Variants in SURF4 observed in about 807,000 individuals in gnomAD.
The protein encoded by SURF4 is surfeit 4.
Under a neutral mutation model 30.0 loss-of-function variants are expected in SURF4, and 3 were observed. That is an observed-to-expected ratio of 0.10 (90% confidence interval 0.05 to 0.26). The LOEUF (loss-of-function observed/expected upper bound fraction) is 0.26. Among genes scored for constraint, SURF4 ranks in the 10% least tolerant of loss-of-function variants. The probability of loss-of-function intolerance (pLI) is 1.00; values close to 1 mark genes in which losing one functional copy is unlikely to be tolerated. For missense variants in SURF4, 217 were observed against 350.8 expected (o/e 0.62, Z 3.05); for synonymous variants, 143 against 139.9 (o/e 1.02, Z -0.16).
Position 133,368,049 on chromosome 9 carries a change from G to A in SURF4, c.49-604C>T, listed in dbSNP as rs2130153604. Among the ~76,000 whole-genome samples, 427 of 152,316 alleles carry A rather than the reference G, an allele frequency of 2.8e-3. 2 individuals carry two copies. The highest frequency in any genetic ancestry group is 5.2e-3 in the Non-Finnish European group (351 of 68,022). ...CCGCTGCACTTTGCCAGGCATCTCCGCTGCTCTGGTCCAACCCCTCACCTT... is the reference window on the plus strand; with the variant it reads ...CCGCTGCACTTTGCCAGGCATCTCCACTGCTCTGGTCCAACCCCTCACCTT... On this transcript the variant is annotated intron_variant, in intron 1 of 5. Transcript: ENST00000371989.
chr9:133,368,996 T>C lies in SURF4; in HGVS notation c.49-1551A>G, dbSNP rs2130165567. Among the ~76,000 whole-genome samples, 46 of 152,302 alleles carry C rather than the reference T, an allele frequency of 3.0e-4. No homozygotes were observed. The South Asian group carries it at 6.8e-3, about 23-fold the overall frequency. On this transcript the variant is annotated intron_variant, in intron 1 of 5. Transcript: ENST00000371989. Reference sequence around the variant, plus strand: ...CAAAGGAAGATATGCGTGTTTCTTATTTTTCAGCATTTTTAAAAGTTGCTT... The same window carrying C: ...CAAAGGAAGATATGCGTGTTTCTTACTTTTCAGCATTTTTAAAAGTTGCTT...
At position 133,362,341 on chromosome 9, in the gene SURF4, G is replaced by A. The variant is rs1011830611; in HGVS notation, c.*1152C>T. Reference sequence around the variant, plus strand: ...AAAGAGAAACACAGTATAAGGCAGTGTTAGAAAACTTTAAATACAGGATTA... The same window carrying A: ...AAAGAGAAACACAGTATAAGGCAGTATTAGAAAACTTTAAATACAGGATTA... On this transcript the variant is annotated 3_prime_UTR_variant, in exon 6 of 6. Transcript: ENST00000371989. The A allele has an allele frequency of 1.3e-5, 2 of 152,664 alleles. No individual in the cohort carries two copies. The highest frequency in any genetic ancestry group is 2.9e-5 in the Non-Finnish European group (2 of 68,052). 9.5% of individuals were successfully genotyped at this position (152,664 alleles called of 1,614,324 possible). A position where few individuals can be genotyped will look rare whatever the true frequency, so the allele number is the denominator to read the frequency against.
At chr9:133,365,958 T>A in intron 4 of SURF4, 27 bp downstream of exon 4, 1 of 1,611,918 alleles carries the variant, frequency 6.2e-7, no homozygotes, top group Non-Finnish European at 8.5e-7. Flanking sequence ...AAGGAGCGTA[T>A]ACTAAAACCA....
In SURF4 at chr9:133,363,906, G is replaced by C. The variant is rs2130096218; in HGVS notation, c.544-147C>G. 2.0e-6 allele frequency: 2 copies of C among 1,004,114 alleles called. No homozygotes were observed. The highest frequency in any genetic ancestry group is 1.4e-5 in the South Asian group (1 of 73,652). 62.2% of individuals were successfully genotyped at this position (1,004,114 alleles called of 1,614,324 possible). ...CTGAGACGGCTGCTGGTGCAAGTAG[G>C]GAGATAAAAGCCAAAGGGAGGCAGG... is the stretch of plus-strand genomic sequence containing the variant. On this transcript the variant is annotated intron_variant, in intron 5 of 5. Transcript: ENST00000371989. This position sits in a 1 kb window ranked among gnomAD's most constrained non-coding sequence, Gnocchi z 4.3.
In SURF4 at chr9:133,363,185, A is replaced by C. The variant is rs1836929766; in HGVS notation, c.*308T>G. ...GGCCCCCTCCTGTACCCCCACAAAA[A>C]AACTCAAAAATAGGACTGAGATGCC... is the stretch of plus-strand genomic sequence containing the variant. On this transcript the variant is annotated 3_prime_UTR_variant, in exon 6 of 6. Transcript: ENST00000371989. This position sits in a 1 kb window ranked among gnomAD's most constrained non-coding sequence, Gnocchi z 4.3. The C allele has an allele frequency of 1.7e-6, 1 of 594,106 alleles. No individual in the cohort carries two copies. Among genetic ancestry groups the C allele is most frequent in the Admixed American group, 3.0e-5 (1 of 33,776 alleles). The allele number at this position is 594,106 out of a possible 1,614,324, so 36.8% of individuals were successfully genotyped here.
chr9:133,367,337 C>T lies in SURF4; in HGVS notation c.157G>A (p.Asp53Asn), dbSNP rs2130140202. Residue 53 changes from aspartate to asparagine, a missense_variant, in exon 2 of 6, where the codon GAC (aspartate) becomes AAC (asparagine). Asp to Asn is a conservative substitution (Grantham distance 23). Coordinates refer to ENST00000371989, the MANE Select transcript of SURF4 (RefSeq NM_033161.4). ...CAGTTCCAGGTGGTGTCGATGTAGT[C>T]GCGCTGCTCGCTCCACTGGAACCAC... ...RMWFQWSEQR[D>N]YIDTTWNCGY... 18 of 1,614,120 alleles carry T rather than the reference C, an allele frequency of 1.1e-5. No homozygotes were observed. Among genetic ancestry groups the T allele is most frequent in the African/African-American group, 5.3e-5 (4 of 74,958 alleles).
At position 133,364,496 on chromosome 9, in the gene SURF4, T is replaced by G. The variant is rs891549169; in HGVS notation, c.543+344A>C. On this transcript the variant is annotated intron_variant, in intron 5 of 5. Coordinates refer to ENST00000371989, the MANE Select transcript of SURF4 (RefSeq NM_033161.4). The stretch of plus-strand genomic sequence containing the variant: ...ACGAGGGGTCAGGAGATCGAGACCA[T>G]CCTGGCTAACACGGTGAAACCCTGT... 2.0e-5 allele frequency among the ~76,000 whole-genome samples: 3 copies of G among 151,902 alleles called. No homozygotes were observed. In the South Asian group the frequency reaches 6.2e-4, roughly 32 times the overall value.
At chr9:133,374,750 C>T (rs1837762293) in intron 1 of SURF4, among the ~76,000 whole-genome samples, 1 of 152,066 alleles carries the variant, frequency 6.6e-6, no homozygotes, top group Non-Finnish European at 1.5e-5. Flanking sequence ...AGATCACCCC[C>T]CAGGAGGAAC....
At chr9:133,365,959 A>G in intron 4 of SURF4, 26 bp downstream of exon 4, 1 of 1,612,718 alleles carries the variant, frequency 6.2e-7, no homozygotes, top group Non-Finnish European at 8.5e-7. Flanking sequence ...AGGAGCGTAT[A>G]CTAAAACCAA....
chr9:133,375,801 G>A (rs2130241407), intron 1 of SURF4, 121 bp downstream of exon 1: 3 of 1,050,494 alleles, frequency 2.9e-6, no homozygotes, highest in South Asian at 4.7e-5. Context: ...GGGTCCCCCT[G>A]TGGGAACAAG....
chr9:133,370,866 G>A, intron 1 of SURF4: 4 of 1,289,610 alleles, frequency 3.1e-6, no homozygotes, highest in Non-Finnish European at 4.0e-6. Flanking sequence ...GAAGATGACA[G>A]TTAGCTCACC....
intron 1 of SURF4, chr9:133,372,586 T>G (rs587702170): frequency 1.0e-6 from 1 of 985,274 alleles, no homozygotes; most frequent in Admixed American, 6.1e-5. Flanking sequence ...CTAAGCTTAC[T>G]TAGGTCTTGC....
Position 133,362,136 on chromosome 9 carries a change from A to C in SURF4, c.*1357T>G, listed in dbSNP as rs1189377218. ...AACCTGCCTCACCCCTGCCCTGCAGAGCCAATGGATGAGAGGCCAAGAGGG... is the reference window on the plus strand; with the variant it reads ...AACCTGCCTCACCCCTGCCCTGCAGCGCCAATGGATGAGAGGCCAAGAGGG... On this transcript the variant is annotated 3_prime_UTR_variant, in exon 6 of 6. Coordinates refer to ENST00000371989, the MANE Select transcript of SURF4 (RefSeq NM_033161.4). 2 of 152,296 alleles carry C rather than the reference A, an allele frequency of 1.3e-5. No individual in the cohort carries two copies. The highest frequency in any genetic ancestry group is 3.9e-4 in the East Asian group (2 of 5,162). 9.4% of individuals were successfully genotyped at this position (152,296 alleles called of 1,614,324 possible). A position where few individuals can be genotyped will look rare whatever the true frequency, so the allele number is the denominator to read the frequency against.
At chr9:133,377,523 T>TCA (rs1448200096), upstream of SURF4, among the ~76,000 whole-genome samples, 3 of 152,052 alleles carry the variant, frequency 2.0e-5, no homozygotes, top group African/African-American at 7.2e-5. Context: ...ATTAGCCAGG[T>TCA]GTGGTGGCGC....
chr9:133,376,509 G>T, upstream of SURF4: 5 of 1,599,926 alleles, frequency 3.1e-6, no homozygotes, highest in South Asian at 2.3e-5. Flanking sequence ...GGCGCCCCAC[G>T]CAGGGGGAGC....
At chr9:133,372,632 A>C in intron 1 of SURF4, 1 of 985,418 alleles carries the variant, frequency 1.0e-6, no homozygotes, top group Non-Finnish European at 1.2e-6. Context: ...AAATCTTGTC[A>C]CTTCAGTTTT....
intron 2 of SURF4, 108 bp downstream of exon 2, chr9:133,367,151 G>T (rs188713226): frequency 7.5e-5 from 103 of 1,373,374 alleles, no homozygotes; most frequent in East Asian, 1.2e-4. Context: ...GGGAATGGAG[G>T]GGGGACAGCA....
At chr9:133,375,067 C>G (rs1433816483) in intron 1 of SURF4, among the ~76,000 whole-genome samples, 1 of 152,196 alleles carries the variant, frequency 6.6e-6, no homozygotes, top group Non-Finnish European at 1.5e-5. Flanking sequence ...TGCGTAACCA[C>G]CACCACCTTT....
chr9:133,376,506 C>CA, upstream of SURF4: 2 of 1,599,600 alleles, frequency 1.3e-6, no homozygotes, highest in Non-Finnish European at 1.7e-6. Flanking sequence ...GCAGGCGCCC[C>CA]ACGCAGGGGG....
Sources: gnomAD v4.1 joint callset for allele counts (sites outside exome capture counted in the v4.1 genomes callset) on GRCh38, gnomAD v4.1.1 for gene constraint, Gnocchi (gnomAD v3.1) non-coding constraint, MANE v1.5 for transcripts, NCBI Gene and HGNC (gene_info 2026-07-23, HGNC 2026-07-21) for gene names.